The following PSTPIP2 variants were observed in gnomAD, a reference collection of about 807,000 sequenced individuals.
The protein encoded by PSTPIP2 is proline-serine-threonine phosphatase-interacting protein 2.
A neutral mutation model predicts 63.3 loss-of-function variants in PSTPIP2; 33 were observed. The observed-to-expected ratio is 0.52, with a 90% CI of 0.40 to 0.70. The LOEUF is 0.70. Ranked by LOEUF, PSTPIP2 falls within the 30% of genes least tolerant of loss-of-function variation. The probability of loss-of-function intolerance (pLI) is 0.00; values close to 1 mark genes in which losing one functional copy is unlikely to be tolerated. For synonymous variants in PSTPIP2, 125 were observed against 132.7 expected (o/e 0.94, Z 0.40); for missense variants, 312 against 400.7 (o/e 0.78, Z 1.89).
At chr18:46,046,085 A>G (rs1908374327) in intron 1 of PSTPIP2, among the ~76,000 whole-genome samples, 1 of 152,262 alleles carries the variant, frequency 6.6e-6, no homozygotes, top group Admixed American at 6.5e-5. Flanking sequence ...GACTTTCAAC[A>G]AAGTTGCCAA....
intron 1 of PSTPIP2, among the ~76,000 whole-genome samples, chr18:46,052,340 C>T (rs1461342095): frequency 6.6e-6 from 1 of 152,190 alleles, no homozygotes; most frequent in African/African-American, 2.4e-5. Context: ...CACATCCCTA[C>T]CACAATACAA....
intron 3 of PSTPIP2, among the ~76,000 whole-genome samples, chr18:46,021,539 C>T (rs1287334716): frequency 6.6e-6 from 1 of 150,762 alleles, no homozygotes; most frequent in Non-Finnish European, 1.5e-5. Flanking sequence ...TATATAGAGC[C>T]CTATAAATTT....
chr18:46,057,599 G>T (rs1908809030), intron 1 of PSTPIP2, among the ~76,000 whole-genome samples: 1 of 151,844 alleles, frequency 6.6e-6, no homozygotes, highest in African/African-American at 2.4e-5. Flanking sequence ...CAAAGCACTG[G>T]GATTACAGGC....
intron 1 of PSTPIP2, among the ~76,000 whole-genome samples, chr18:46,062,146 G>A (rs75358873): frequency 6.6e-6 from 1 of 152,228 alleles, no homozygotes; most frequent in African/African-American, 2.4e-5. Flanking sequence ...TTCAGATAGG[G>A]ATGGGGTCTC....
intron 2 of PSTPIP2, among the ~76,000 whole-genome samples, chr18:46,030,155 G>T (rs1042983073): frequency 6.6e-6 from 1 of 152,060 alleles, no homozygotes; most frequent in Non-Finnish European, 1.5e-5. Flanking sequence ...AGAAAGAAAA[G>T]GGCAAGGCCC....
chr18:45,990,420 G>T lies in PSTPIP2; in HGVS notation c.955+302C>A, dbSNP rs562484305. On this transcript the variant is annotated intron_variant, in intron 13 of 14. Transcript: ENST00000409746. ...ATAAGAATTTCGTGGGTTTTTTGGG[G>T]TTTTTTTGTTTGTTTGTTTGTTTGT... 1.2e-3 allele frequency among the ~76,000 whole-genome samples: 168 copies of T among 140,146 alleles called. 1 individual carries two copies. Among genetic ancestry groups the T allele is most frequent in the Non-Finnish European group, 1.9e-3 (130 of 66,950 alleles). The allele number at this position is 140,146 out of a possible 152,430, so 91.9% of individuals were successfully genotyped here.
intron 1 of PSTPIP2, among the ~76,000 whole-genome samples, chr18:46,045,920 G>C (rs1908367957): frequency 6.6e-6 from 1 of 152,160 alleles, no homozygotes; most frequent in Non-Finnish European, 1.5e-5. Context: ...CTCCAACCTG[G>C]ATGACAGAGC....
chr18:46,051,467 C>T (rs751938450), intron 1 of PSTPIP2, among the ~76,000 whole-genome samples: 10 of 151,834 alleles, frequency 6.6e-5, no homozygotes, highest in African/African-American at 2.4e-4. Flanking sequence ...GAGCAAGACT[C>T]TGTCTCAAGA....
intron 3 of PSTPIP2, among the ~76,000 whole-genome samples, chr18:46,021,239 C>T (rs80110012): frequency 0.012 from 1,774 of 152,008 alleles, 22 homozygotes; most frequent in Non-Finnish European, 0.019. Flanking sequence ...TAAAACAAAC[C>T]GAAACAAATA....
chr18:45,995,879 G>A (rs1458933211), intron 9 of PSTPIP2, among the ~76,000 whole-genome samples: 1 of 152,190 alleles, frequency 6.6e-6, no homozygotes, highest in Non-Finnish European at 1.5e-5. Context: ...GTAGTGGCAT[G>A]ATCTCAGCTC....
chr18:46,063,062 G>C (rs958163429), intron 1 of PSTPIP2, among the ~76,000 whole-genome samples: 1 of 152,182 alleles, frequency 6.6e-6, no homozygotes. Context: ...CAGTGCAGTG[G>C]TGTAATCACG....
chr18:46,052,431 A>G (rs2144123421), intron 1 of PSTPIP2, among the ~76,000 whole-genome samples: 1 of 152,322 alleles, frequency 6.6e-6, no homozygotes, highest in Admixed American at 6.5e-5. Flanking sequence ...AAGGCTTATG[A>G]CACCATATAA....
intron 2 of PSTPIP2, among the ~76,000 whole-genome samples, chr18:46,038,143 C>G (rs551571116): frequency 6.6e-6 from 1 of 152,170 alleles, no homozygotes; most frequent in Non-Finnish European, 1.5e-5. Flanking sequence ...TCACTGCAAC[C>G]TTGAACTCCT....
rs767288553 is a variant in PSTPIP2, at chr18:46,005,502, T to C, written c.384A>G (p.Lys128=). 1 of 1,602,888 alleles carries C rather than the reference T, an allele frequency of 6.2e-7. No homozygotes were observed. Among genetic ancestry groups the C allele is most frequent in the South Asian group, 1.1e-5 (1 of 90,296 alleles). ...TTTTCTTGAATTGTAAGCTCTTTTG[T>C]TTATGGATAGCATCCATTATGAGCT... ...KTELIMDAIH[K]QKSLQFKKTM... The change falls in exon 6 of 15, where the codon AAA becomes AAG. Residue 128 remains lysine, a synonymous_variant. Coordinates refer to ENST00000409746, the MANE Select transcript of PSTPIP2 (RefSeq NM_024430.4).
rs1188583530 is a variant in PSTPIP2 at position 45,997,669 on chromosome 18, C to CCT, written c.642+79_642+80insAG. On this transcript the variant is annotated intron_variant, in intron 9 of 14. Transcript: ENST00000409746. Reference sequence around the variant, plus strand: ...CCTCCCCTCCCCCTCCTCCCCTCCCCCCCCCGTCCTGAGCAGCTTCCTGTT... The same window carrying CCT: ...CCTCCCCTCCCCCTCCTCCCCTCCCCCTCCCCCGTCCTGAGCAGCTTCCTGTT... 17 of 180,808 alleles carry CCT rather than the reference C, an allele frequency of 9.4e-5. 1 individual carries two copies. Among genetic ancestry groups the CCT allele is most frequent in the Middle Eastern group, 2.2e-3 (1 of 462 alleles). 11.2% of individuals were successfully genotyped at this position (180,808 alleles called of 1,614,324 possible).
chr18:46,036,266 TAAC>T lies in PSTPIP2; in HGVS notation c.134+3678_134+3680del, dbSNP rs1002177513. The stretch of plus-strand genomic sequence containing the variant: ...AACAATTATTGTAACAATTAATTGT[TAAC>T]AATTATTAATTATTATTGTAACAAT... On this transcript the variant is annotated intron_variant, in intron 2 of 14. Transcript: ENST00000409746. Among the ~76,000 whole-genome samples the T allele has an allele frequency of 5.3e-5, 8 of 151,662 alleles. No individual in the cohort carries two copies. The East Asian group carries it at 9.7e-4, about 18-fold the overall frequency.
At chr18:45,990,824 G>C in intron 12 of PSTPIP2, 68 bp from the exon 13 acceptor site, 3 of 1,335,262 alleles carry the variant, frequency 2.2e-6, no homozygotes, top group Non-Finnish European at 3.2e-6. Context: ...TTTACTTCTT[G>C]CTACAAGCCT....
At chr18:46,051,019 C>A (rs1434775695) in intron 1 of PSTPIP2, among the ~76,000 whole-genome samples, 8 of 152,090 alleles carry the variant, frequency 5.3e-5, no homozygotes, top group Non-Finnish European at 1.0e-4. Context: ...CCCACCACCA[C>A]ACCTGGCTAA....
intron 1 of PSTPIP2, among the ~76,000 whole-genome samples, chr18:46,056,229 A>G (rs1035159928): frequency 7.9e-5 from 12 of 152,064 alleles, no homozygotes; most frequent in African/African-American, 2.9e-4. Flanking sequence ...CCCTTTGCAA[A>G]ATGGATCATC....
Sources: allele counts gnomAD v4.1 joint callset (sites outside exome capture counted in the v4.1 genomes callset), GRCh38; gene constraint gnomAD v4.1.1; transcripts MANE v1.5; gene names NCBI Gene and HGNC (gene_info 2026-07-23, HGNC 2026-07-21).